The following NCKAP1L variants were observed in gnomAD, a reference collection of about 807,000 sequenced individuals.
NCKAP1L encodes the protein NCK associated protein 1 like.
NCKAP1L carries 53 observed loss-of-function variants against 139.2 expected under a neutral mutation model. The ratio of observed to expected loss-of-function variants is 0.38; its 90% confidence interval spans 0.31 to 0.48. The LOEUF is 0.48. Ranked by LOEUF, NCKAP1L falls within the 20% of genes least tolerant of loss-of-function variation. NCKAP1L has a pLI of 0.98. For missense variants in NCKAP1L, 1,151 were observed against 1,381.9 expected (o/e 0.83, Z 2.65); for synonymous variants, 468 against 499.7 (o/e 0.94, Z 0.85).
At chr12:54,528,428 T>A in intron 22 of NCKAP1L, 51 bp downstream of exon 22, 1 of 1,590,072 alleles carries the variant, frequency 6.3e-7, no homozygotes, top group Non-Finnish European at 8.6e-7. Flanking sequence ...CTTCCTTCAA[T>A]GCACAGAGAA....
intron 22 of NCKAP1L, among the ~76,000 whole-genome samples, chr12:54,530,810 G>A (rs893423684): frequency 3.3e-5 from 5 of 152,134 alleles, no homozygotes; most frequent in Non-Finnish European, 5.9e-5. Flanking sequence ...TTTTTATAAT[G>A]TATCTTATTT....
intron 5 of NCKAP1L, 70 bp from the exon 6 acceptor site, chr12:54,509,599 A>G (rs2120896837): frequency 4.8e-6 from 5 of 1,043,854 alleles, no homozygotes; most frequent in Non-Finnish European, 7.5e-6. Flanking sequence ...TCTTTATCCT[A>G]TATGCAAACA....
chr12:54,526,239 A>C (rs999341410), intron 20 of NCKAP1L, among the ~76,000 whole-genome samples: 1 of 152,218 alleles, frequency 6.6e-6, no homozygotes, highest in South Asian at 2.1e-4. Context: ...AGGAGGAAGA[A>C]AAGCACAGTA....
intron 3 of NCKAP1L, among the ~76,000 whole-genome samples, chr12:54,503,800 C>T (rs187959777): frequency 2.0e-4 from 30 of 151,750 alleles, no homozygotes; most frequent in African/African-American, 7.0e-4. Context: ...CACCACGCCT[C>T]GTTAATTTTT....
intron 3 of NCKAP1L, among the ~76,000 whole-genome samples, chr12:54,506,769 T>A: frequency 1.1e-5 from 1 of 94,156 alleles, no homozygotes; most frequent in East Asian, 3.5e-4. Flanking sequence ...CCTGTTCAAA[T>A]CTTTTGGCAA....
At chr12:54,529,589 G>A (rs929458901) in intron 22 of NCKAP1L, among the ~76,000 whole-genome samples, 3 of 152,066 alleles carry the variant, frequency 2.0e-5, no homozygotes, top group Non-Finnish European at 4.4e-5. Flanking sequence ...CCATCATCCC[G>A]CCTCCATCAG....
At chr12:54,542,541 T>G in intron 30 of NCKAP1L, 34 bp from the exon 31 acceptor site, 27 of 1,496,804 alleles carry the variant, frequency 1.8e-5, no homozygotes, top group Middle Eastern at 1.7e-4. Flanking sequence ...ATGCCCTACC[T>G]GAGGTTCTCA....
At chr12:54,522,491 G>A (rs1220922536) in intron 18 of NCKAP1L, among the ~76,000 whole-genome samples, 1 of 152,174 alleles carries the variant, frequency 6.6e-6, no homozygotes, top group African/African-American at 2.4e-5. Context: ...AATAATTACT[G>A]GCATTGCCAT....
intron 7 of NCKAP1L, among the ~76,000 whole-genome samples, chr12:54,511,511 A>G (rs1333116739): frequency 6.6e-6 from 1 of 152,244 alleles, no homozygotes; most frequent in Non-Finnish European, 1.5e-5. Flanking sequence ...GGTTCAAAAG[A>G]TCCTCCTATC....
Position 54,520,997 on chromosome 12 carries a change from T to C in NCKAP1L, c.1759-122T>C, listed in dbSNP as rs1183384615. On this transcript the variant is annotated intron_variant, in intron 17 of 30. Transcript: ENST00000293373. Reference sequence around the variant, plus strand: ...ATCCTGTCTCTGGGCCTCAGTTTCTTCTTCTGTAGGAATGGGTAGGAATCT... The same window carrying C: ...ATCCTGTCTCTGGGCCTCAGTTTCTCCTTCTGTAGGAATGGGTAGGAATCT... 2.6e-6 allele frequency: 4 copies of C among 1,529,052 alleles called. No homozygotes were observed. The African/African-American group carries it at 4.1e-5, about 16-fold the overall frequency. 94.7% of individuals were successfully genotyped at this position (1,529,052 alleles called of 1,614,324 possible).
chr12:54,528,746 C>T (rs1344778185), intron 22 of NCKAP1L, among the ~76,000 whole-genome samples: 1 of 151,952 alleles, frequency 6.6e-6, no homozygotes, highest in Non-Finnish European at 1.5e-5. Flanking sequence ...CTGCCTCAGC[C>T]TCCCGAATAG....
intron 29 of NCKAP1L, among the ~76,000 whole-genome samples, chr12:54,538,567 C>T (rs1565684249): frequency 6.6e-6 from 1 of 152,132 alleles, no homozygotes. Context: ...CTGGAGGCTG[C>T]CTAGGAAAAG....
At chr12:54,498,869 G>A (rs1410317348) in intron 1 of NCKAP1L, 1 of 951,020 alleles carries the variant, frequency 1.1e-6, no homozygotes, top group Non-Finnish European at 1.3e-6. Flanking sequence ...TTGGCTTAAT[G>A]TCTTGGAATT....
chr12:54,523,439 A>C lies in NCKAP1L; in HGVS notation c.1924A>C (p.Lys642Gln). Reference protein sequence around the residue: ...CATTISKAKNKKTRKQRQTPR... With the variant: ...CATTISKAKNQKTRKQRQTPR... ...CACTACAATCAGCAAAGCCAAGAAC[A>C]AGAAAACCAGGAAGCAGAGGCAGAC... The change falls in exon 19 of 31, where the codon AAG becomes CAG. Residue 642 changes from lysine (K) to glutamine (Q), a missense_variant. Transcript: ENST00000293373. The C allele has an allele frequency of 6.2e-7, 1 of 1,614,180 alleles. No individual in the cohort carries two copies. Among genetic ancestry groups the C allele is most frequent in the Non-Finnish European group, 8.5e-7 (1 of 1,180,020 alleles).
Sources: gnomAD v4.1 joint callset for allele counts (sites outside exome capture counted in the v4.1 genomes callset) on GRCh38, gnomAD v4.1.1 for gene constraint, MANE v1.5 for transcripts, NCBI Gene and HGNC (gene_info 2026-07-23, HGNC 2026-07-21) for gene names.